WWOX: variants seen among roughly 807,000 people sequenced by gnomAD.
The protein encoded by WWOX is WW domain-containing oxidoreductase.
Under a neutral mutation model 46.2 loss-of-function variants are expected in WWOX, and 69 were observed. That is an observed-to-expected ratio of 1.49 (90% CI 1.23 to 1.82). The LOEUF (loss-of-function observed/expected upper bound fraction) is 1.82, where lower values mean the gene tolerates loss of function less well. WWOX is among the 40% of genes most tolerant of loss of function. WWOX has a pLI of 0.00. For synonymous variants in WWOX, 359 were observed against 202.6 expected, an observed-to-expected ratio of 1.77 and a Z score of -6.56; for missense variants, 919 against 542.6, an observed-to-expected ratio of 1.69 and a Z score of -6.89.
At chr16:78,611,601 AT>A (rs1203148501) in intron 8 of WWOX, among the ~76,000 whole-genome samples, 1 of 152,170 alleles carries the variant, frequency 6.6e-6, no homozygotes, top group Admixed American at 6.5e-5. Context: ...TCAGAGAGTT[AT>A]TTTGGCAACA....
chr16:78,774,675 C>G (rs1248786532), intron 8 of WWOX, among the ~76,000 whole-genome samples: 2 of 151,934 alleles, frequency 1.3e-5, no homozygotes, highest in Admixed American at 6.6e-5. Context: ...CCTTGAAAGA[C>G]TCATTGTCTG....
At position 78,723,607 on chromosome 16, in the gene WWOX, CTTTTCTTTTCTTTTCTTTTCTT is replaced by C. The variant is rs2048749944; in HGVS notation, c.1056+290877_1056+290898del. On this transcript the variant is annotated intron_variant, in intron 8 of 8. Transcript: ENST00000566780. ...CTTTTCTTTTCTTTTCTTTTCTTTT[CTTTTCTTTTCTTTTCTTTTCTT>C]TTTTCTTTTCTTTTCTTTTCTACCT... is the stretch of plus-strand genomic sequence containing the variant. Among the ~76,000 whole-genome samples the C allele has an allele frequency of 1.3e-4, 3 of 23,266 alleles. 1 individual carries two copies. The highest frequency in any genetic ancestry group is 9.5e-4 in the African/African-American group (3 of 3,168). The allele number at this position is 23,266 out of a possible 152,430, so 15.3% of individuals were successfully genotyped here. A position where few individuals can be genotyped will look rare whatever the true frequency, so the allele number is the denominator to read the frequency against.
At chr16:79,031,924 A>G (rs1484179379) in intron 8 of WWOX, among the ~76,000 whole-genome samples, 1 of 76,230 alleles carries the variant, frequency 1.3e-5, no homozygotes, top group Admixed American at 1.5e-4. Context: ...ATCTATATAT[A>G]TAGATATCTG....
chr16:79,049,157 C>T (rs569370970), intron 8 of WWOX, among the ~76,000 whole-genome samples: 1 of 152,208 alleles, frequency 6.6e-6, no homozygotes, highest in Non-Finnish European at 1.5e-5. Context: ...CATACAGTCA[C>T]CATCACAACT....
intron 8 of WWOX, among the ~76,000 whole-genome samples, chr16:78,978,233 A>G (rs1414388812): frequency 6.6e-6 from 1 of 152,230 alleles, no homozygotes. Flanking sequence ...TGGTTGACCC[A>G]TTCATCCATC....
intron 7 of WWOX, among the ~76,000 whole-genome samples, chr16:78,430,709 A>G (rs2083197266): frequency 1.3e-5 from 2 of 152,148 alleles, no homozygotes; most frequent in Admixed American, 6.6e-5. Context: ...AATTCGTTTC[A>G]AGGTCTCATT....
At chr16:78,137,890 C>G (rs923628317) in intron 4 of WWOX, among the ~76,000 whole-genome samples, 1 of 150,722 alleles carries the variant, frequency 6.6e-6, no homozygotes, top group Non-Finnish European at 1.5e-5. Context: ...GGTCTTTTTC[C>G]TTATCCGTTT....
At chr16:78,854,705 C>G (rs1437105338) in intron 8 of WWOX, among the ~76,000 whole-genome samples, 1 of 152,174 alleles carries the variant, frequency 6.6e-6, no homozygotes, top group African/African-American at 2.4e-5. Flanking sequence ...CTCAGCCTCC[C>G]AAGTAGTTGG....
intron 8 of WWOX, among the ~76,000 whole-genome samples, chr16:78,981,167 A>G (rs1273385129): frequency 6.6e-6 from 1 of 152,096 alleles, no homozygotes; most frequent in Non-Finnish European, 1.5e-5. Flanking sequence ...GCACTTTCCT[A>G]AACTCTGCAT....
chr16:79,139,339 G>C (rs2050043652), intron 8 of WWOX, among the ~76,000 whole-genome samples: 1 of 152,164 alleles, frequency 6.6e-6, no homozygotes. Flanking sequence ...TGCCCCGTTG[G>C]CATGTGGGGA....
chr16:79,053,008 C>A (rs1389565988), intron 8 of WWOX, among the ~76,000 whole-genome samples: 1 of 151,680 alleles, frequency 6.6e-6, no homozygotes, highest in African/African-American at 2.4e-5. Flanking sequence ...AGAGAGGTGG[C>A]AAAAGCAGGT....
In WWOX at chr16:78,244,331, C is replaced by T. The variant is rs935896077; in HGVS notation, c.516+80042C>T. Among the ~76,000 whole-genome samples, 6 of 152,046 alleles carry T rather than the reference C, an allele frequency of 3.9e-5. 1 individual carries two copies. Among genetic ancestry groups the T allele is most frequent in the Non-Finnish European group, 7.4e-5 (5 of 68,026 alleles). ...GGGATCATAGATGCTGATAAATTGC[C>T]GTTTATGGCATATTTCATGTATTGC... On this transcript the variant is annotated intron_variant, in intron 5 of 8. Transcript: ENST00000566780.
chr16:78,325,643 C>A (rs77559500), intron 5 of WWOX, among the ~76,000 whole-genome samples: 2 of 152,172 alleles, frequency 1.3e-5, no homozygotes, highest in Non-Finnish European at 2.9e-5. Flanking sequence ...CGGCCTTCTC[C>A]GTTTGGCAGC....
intron 8 of WWOX, among the ~76,000 whole-genome samples, chr16:78,798,277 A>G (rs972006388): frequency 5.3e-5 from 8 of 152,190 alleles, no homozygotes; most frequent in East Asian, 1.9e-4. Flanking sequence ...CAAAAAGAGT[A>G]GAAGTCAGGC....
chr16:79,080,664 C>G (rs2048744036), intron 8 of WWOX, among the ~76,000 whole-genome samples: 1 of 152,112 alleles, frequency 6.6e-6, no homozygotes, highest in Non-Finnish European at 1.5e-5. Flanking sequence ...GCATCGGGGT[C>G]TTGTTGAAAA....
intron 8 of WWOX, among the ~76,000 whole-genome samples, chr16:78,975,051 T>C (rs1161003775): frequency 6.6e-6 from 1 of 152,246 alleles, no homozygotes; most frequent in Non-Finnish European, 1.5e-5. Context: ...CCTTCACTAT[T>C]GTCAAGGCTG....
chr16:78,609,160 A>T (rs150243153), intron 8 of WWOX, among the ~76,000 whole-genome samples: 22 of 152,314 alleles, frequency 1.4e-4, no homozygotes, highest in Admixed American at 1.2e-3. Flanking sequence ...AAATCTTTCT[A>T]TCCTTTCTCT....
intron 6 of WWOX, among the ~76,000 whole-genome samples, chr16:78,422,229 CT>C (rs1484002628): frequency 6.6e-5 from 10 of 152,102 alleles, no homozygotes; most frequent in African/African-American, 2.4e-4. Context: ...ATATTCGTCA[CT>C]TTTGTTCCAC....
chr16:78,721,455 G>C (rs975120087), intron 8 of WWOX, among the ~76,000 whole-genome samples: 10 of 152,186 alleles, frequency 6.6e-5, no homozygotes, highest in Non-Finnish European at 1.5e-4. Flanking sequence ...GTCAGACAAA[G>C]TGTTCTCTAA....
Sources: allele counts gnomAD v4.1 joint callset (sites outside exome capture counted in the v4.1 genomes callset), GRCh38; gene constraint gnomAD v4.1.1; transcripts MANE v1.5; gene names NCBI Gene and HGNC (gene_info 2026-07-23, HGNC 2026-07-21).